Variants in CNOT4 observed in about 807,000 individuals in gnomAD.
The protein encoded by CNOT4 is CCR4-associated factor 4.
CNOT4 carries 8 observed loss-of-function variants against 73.8 expected under a neutral mutation model. That is an observed-to-expected ratio of 0.11 (90% CI 0.06 to 0.20). The LOEUF (loss-of-function observed/expected upper bound fraction) is 0.20, where lower values mean the gene tolerates loss of function less well. Ranked by LOEUF, CNOT4 falls within the 10% of genes least tolerant of loss-of-function variation. The probability of loss-of-function intolerance (pLI) is 1.00; values close to 1 mark genes in which losing one functional copy is unlikely to be tolerated. For synonymous variants in CNOT4, 293 were observed against 321.1 expected, an observed-to-expected ratio of 0.91 and a Z score of 0.94; for missense variants, 564 against 883.4, an observed-to-expected ratio of 0.64 and a Z score of 4.58.
chr7:135,508,373 G>A (rs1804506974), intron 1 of CNOT4, among the ~76,000 whole-genome samples: 1 of 152,146 alleles, frequency 6.6e-6, no homozygotes, highest in South Asian at 2.1e-4. Context: ...CCAGTTTTCT[G>A]CTTTTTACTG....
chr7:135,364,143 G>T lies in CNOT4; in HGVS notation c.1628-77C>A. The T allele has an allele frequency of 9.6e-7, 1 of 1,037,160 alleles. No individual in the cohort carries two copies. Among genetic ancestry groups the T allele is most frequent in the Non-Finnish European group, 1.4e-6 (1 of 705,562 alleles). 64.2% of individuals were successfully genotyped at this position (1,037,160 alleles called of 1,614,324 possible). On this transcript the variant is annotated intron_variant, in intron 10 of 11. Coordinates refer to ENST00000541284, the MANE Select transcript of CNOT4 (RefSeq NM_001190850.2). The surrounding 1 kb of genome is among the most constrained non-coding windows in gnomAD (Gnocchi z 4.3). ...CGTTAGAAACATATGTTGTTCTTTA[G>T]TGGTTAAGCGGGAGAAGAATTATTC...
intron 1 of CNOT4, chr7:135,509,135 C>G (rs977524287): frequency 1.3e-5 from 2 of 152,108 alleles, no homozygotes; most frequent in South Asian, 4.1e-4. Flanking sequence ...TTCCCTTTTT[C>G]TGGAAGTGTA....
Position 135,362,986 on chromosome 7 carries a change from A to G in CNOT4, c.2041T>C (p.Ser681Pro), listed in dbSNP as rs1794719678. Residue 681 changes from serine to proline, a missense_variant, in exon 12 of 12, where the codon TCC (serine) becomes CCC (proline). By Grantham distance (74) the Ser-to-Pro change is moderately conservative (BLOSUM62 -1). This residue lies in a region of CNOT4 where 88 missense variants were observed against 94.7 expected (regional missense o/e 0.93). Transcript: ENST00000541284. ...WNPYPPPSNP[S>P]SFHSPPPGFQ... ...CCTGGGGGTGGGGAGTGGAAGCTGG[A>G]AGGGTTTGAAGGAGGAGGGTAGGGA... is the stretch of plus-strand genomic sequence containing the variant. 7 of 1,613,060 alleles carry G rather than the reference A, an allele frequency of 4.3e-6. No individual in the cohort carries two copies. The highest frequency in any genetic ancestry group is 1.1e-5 in the South Asian group (1 of 91,000).
chr7:135,474,129 G>T (rs1194146372), intron 1 of CNOT4, among the ~76,000 whole-genome samples: 4 of 151,188 alleles, frequency 2.6e-5, no homozygotes, highest in African/African-American at 9.7e-5. Context: ...ACAGGTACCT[G>T]CCACTGGGCC....
intron 1 of CNOT4, among the ~76,000 whole-genome samples, chr7:135,485,618 G>A (rs745517725): frequency 3.3e-5 from 5 of 151,960 alleles, no homozygotes; most frequent in Admixed American, 2.0e-4. Flanking sequence ...ATGATTTTTC[G>A]CAATGATGCA....
At chr7:135,388,388 T>C (rs1345371075) in intron 10 of CNOT4, 1 of 984,722 alleles carries the variant, frequency 1.0e-6, no homozygotes, top group Non-Finnish European at 1.2e-6. Context: ...ATTATCTTGT[T>C]AATTTGCAAA....
At chr7:135,471,021 C>G (rs1238653525) in intron 1 of CNOT4, among the ~76,000 whole-genome samples, 1 of 152,184 alleles carries the variant, frequency 6.6e-6, no homozygotes, top group Non-Finnish European at 1.5e-5. Context: ...AAAATCTCGA[C>G]TTAATTCCAT....
chr7:135,400,977 T>C (rs1308391347), intron 7 of CNOT4, among the ~76,000 whole-genome samples: 1 of 152,202 alleles, frequency 6.6e-6, no homozygotes, highest in African/African-American at 2.4e-5. Context: ...ACACCTGATA[T>C]TATATTAATA....
chr7:135,485,358 C>T (rs185567510), intron 1 of CNOT4, among the ~76,000 whole-genome samples: 2 of 152,144 alleles, frequency 1.3e-5, no homozygotes, highest in Non-Finnish European at 2.9e-5. Context: ...GCTTGAGCCA[C>T]CACAGCTGGC....
intron 10 of CNOT4, among the ~76,000 whole-genome samples, chr7:135,381,267 TA>T (rs1467602232): frequency 6.6e-6 from 1 of 152,198 alleles, no homozygotes; most frequent in African/African-American, 2.4e-5. Context: ...TTGCTTTATA[TA>T]AAAACACACA....
At position 135,477,300 on chromosome 7, in the gene CNOT4, G is replaced by A. The variant is rs936855947; in HGVS notation, c.-93+32589C>T. Among the ~76,000 whole-genome samples, 6 of 151,298 alleles carry A rather than the reference G, an allele frequency of 4.0e-5. No homozygotes were observed. In the South Asian group the frequency reaches 8.4e-4, roughly 21 times the overall value. On this transcript the variant is annotated intron_variant, in intron 1 of 11. Coordinates refer to ENST00000541284, the MANE Select transcript of CNOT4 (RefSeq NM_001190850.2). ...AGAGGTTGCAGTGAGCTGGGATTGC[G>A]CCACTGCACTCCAGCCTGGGTGACC...
At chr7:135,500,428 A>G (rs1803883063) in intron 1 of CNOT4, among the ~76,000 whole-genome samples, 1 of 152,210 alleles carries the variant, frequency 6.6e-6, no homozygotes, top group Non-Finnish European at 1.5e-5. Context: ...ACAGATCCAG[A>G]AAGTTGGCTT....
intron 1 of CNOT4, among the ~76,000 whole-genome samples, chr7:135,491,618 A>G (rs931923174): frequency 2.0e-5 from 3 of 152,248 alleles, no homozygotes; most frequent in African/African-American, 7.2e-5. Flanking sequence ...AACAGGCTTA[A>G]GAGAGAACAT....
chr7:135,376,714 A>G (rs79823799), intron 10 of CNOT4, among the ~76,000 whole-genome samples: 5,699 of 152,266 alleles, frequency 0.037, 332 homozygotes, highest in African/African-American at 0.12. Context: ...TTTCAATAGT[A>G]AAGATCAGTC....
chr7:135,380,287 A>G (rs1023916592), intron 10 of CNOT4, among the ~76,000 whole-genome samples: 1 of 152,098 alleles, frequency 6.6e-6, no homozygotes, highest in African/African-American at 2.4e-5. Flanking sequence ...GTAATATTAG[A>G]GATGTCACCA....
chr7:135,396,665 A>G (rs1249083006), intron 8 of CNOT4, among the ~76,000 whole-genome samples: 3 of 152,176 alleles, frequency 2.0e-5, no homozygotes, highest in South Asian at 2.1e-4. Flanking sequence ...AAATCTTTGT[A>G]TGATTCTTAG....
chr7:135,445,903 C>T (rs1799793810), intron 1 of CNOT4, among the ~76,000 whole-genome samples: 1 of 152,132 alleles, frequency 6.6e-6, no homozygotes, highest in Admixed American at 6.5e-5. Context: ...GACACAGTCT[C>T]ACTCTCTCAC....
Position 135,362,879 on chromosome 7 carries a change from C to T in CNOT4, c.*6G>A. On this transcript the variant is annotated 3_prime_UTR_variant, in exon 12 of 12. Coordinates refer to ENST00000541284, the MANE Select transcript of CNOT4 (RefSeq NM_001190850.2). Reference sequence around the variant, plus strand: ...CCTGCATTTTCTAATGGTTGCTCCTCTTTGCCTAATGGCGGTCCAGTGTTG... The same window carrying T: ...CCTGCATTTTCTAATGGTTGCTCCTTTTTGCCTAATGGCGGTCCAGTGTTG... The T allele has an allele frequency of 6.2e-7, 1 of 1,612,304 alleles. No individual in the cohort carries two copies. Among genetic ancestry groups the T allele is most frequent in the African/African-American group, 1.3e-5 (1 of 74,560 alleles).
intron 1 of CNOT4, among the ~76,000 whole-genome samples, chr7:135,499,029 T>G (rs1341635130): frequency 2.6e-5 from 4 of 152,132 alleles, no homozygotes; most frequent in South Asian, 2.1e-4. Context: ...TTATAACTGA[T>G]TACATAAAAT....
Sources: gnomAD v4.1 joint callset for allele counts (sites outside exome capture counted in the v4.1 genomes callset) on GRCh38, gnomAD v4.1.1 for gene constraint, gnomAD v4.1.1 regional missense constraint, Gnocchi (gnomAD v3.1) non-coding constraint, MANE v1.5 for transcripts, NCBI Gene and HGNC (gene_info 2026-07-23, HGNC 2026-07-21) for gene names.